The following NPAS2 variants were observed in gnomAD, a reference collection of about 807,000 sequenced individuals.
The protein encoded by NPAS2 is neuronal PAS domain-containing protein 2.
A neutral mutation model predicts 107.5 loss-of-function variants in NPAS2; 23 were observed. The observed-to-expected ratio is 0.21, with a 90% CI of 0.15 to 0.30. The LOEUF (loss-of-function observed/expected upper bound fraction) is 0.30, where lower values mean the gene tolerates loss of function less well. Ranked by LOEUF, NPAS2 falls within the 10% of genes least tolerant of loss-of-function variation. NPAS2 has a pLI of 1.00. For synonymous variants in NPAS2, 403 were observed against 417.5 expected (o/e 0.97, Z 0.42); for missense variants, 756 against 1,043.3 (o/e 0.72, Z 3.79).
intron 7 of NPAS2, among the ~76,000 whole-genome samples, chr2:100,958,882 A>C (rs190432619): frequency 6.6e-6 from 1 of 152,238 alleles, no homozygotes; most frequent in Non-Finnish European, 1.5e-5. Context: ...AAAAATACTC[A>C]TTTTAATTAA....
At chr2:100,969,352 C>T (rs553498053) in intron 11 of NPAS2, among the ~76,000 whole-genome samples, 2 of 152,180 alleles carry the variant, frequency 1.3e-5, no homozygotes, top group South Asian at 2.1e-4. Context: ...TCCACTTGTC[C>T]CCTACCACCA....
intron 4 of NPAS2, 36 bp from the exon 5 acceptor site, chr2:100,937,717 T>C: frequency 6.7e-7 from 1 of 1,492,450 alleles, no homozygotes; most frequent in Non-Finnish European, 9.4e-7. Context: ...CATAAACGCA[T>C]TGCTAAGGAG....
intron 11 of NPAS2, among the ~76,000 whole-genome samples, chr2:100,969,514 T>C (rs1023723877): frequency 1.3e-5 from 2 of 152,136 alleles, no homozygotes; most frequent in African/African-American, 4.8e-5. Context: ...TCATCTATGT[T>C]CCCGCAAAGG....
chr2:100,828,423 TG>T, intron 1 of NPAS2, among the ~76,000 whole-genome samples: 1 of 152,178 alleles, frequency 6.6e-6, no homozygotes. Context: ...AGGTCCCACT[TG>T]TTAATTTTTG....
chr2:100,912,141 T>C (rs1682590917), intron 2 of NPAS2, among the ~76,000 whole-genome samples: 1 of 152,202 alleles, frequency 6.6e-6, no homozygotes, highest in African/African-American at 2.4e-5. Context: ...ACCTCAGTCG[T>C]AGGCACTGTG....
At chr2:100,827,832 G>A (rs3970329) in intron 1 of NPAS2, among the ~76,000 whole-genome samples, 9,454 of 152,194 alleles carry the variant, frequency 0.062, 987 homozygotes, top group African/African-American at 0.21. Flanking sequence ...ACATGGACAT[G>A]GAATCACGAT....
chr2:100,937,804 G>A lies in NPAS2; in HGVS notation c.325G>A (p.Val109Ile). The A allele has an allele frequency of 6.2e-7, 1 of 1,614,138 alleles. No individual in the cohort carries two copies. The highest frequency in any genetic ancestry group is 8.5e-7 in the Non-Finnish European group (1 of 1,180,000). ...GACAACAGACGGCAGCATCATCTAT[G>A]TCTCTGACAGTATCACGCCTCTCCT... ...AVTTDGSIIY[V>I]SDSITPLLGH... The change falls in exon 5 of 21, where the codon GTC (valine) becomes ATC (isoleucine). Residue 109 changes from valine to isoleucine, a missense_variant. By Grantham distance (29) the Val-to-Ile change is conservative (BLOSUM62 3). Transcript: ENST00000335681.
intron 19 of NPAS2, among the ~76,000 whole-genome samples, 169 bp from the exon 20 acceptor site, chr2:100,993,178 C>CT (rs947795123): frequency 1.3e-5 from 2 of 152,184 alleles, no homozygotes; most frequent in African/African-American, 4.8e-5. Context: ...TGTGATCCGC[C>CT]TGCCTCGGCC....
intron 7 of NPAS2, among the ~76,000 whole-genome samples, chr2:100,951,992 A>C (rs1675251570): frequency 6.6e-6 from 1 of 151,972 alleles, no homozygotes; most frequent in African/African-American, 2.4e-5. Context: ...TACTAAAAAT[A>C]CAAAAAATTA....
At chr2:100,897,100 T>G (rs2104730668) in intron 1 of NPAS2, among the ~76,000 whole-genome samples, 1 of 152,186 alleles carries the variant, frequency 6.6e-6, no homozygotes, top group Admixed American at 6.5e-5. Context: ...AAAAGCCCCT[T>G]ATAAAACCAT....
At chr2:100,912,934 T>C (rs1414482487) in intron 2 of NPAS2, among the ~76,000 whole-genome samples, 1 of 152,200 alleles carries the variant, frequency 6.6e-6, no homozygotes, top group Non-Finnish European at 1.5e-5. Context: ...TCACTGTTTT[T>C]TAAGAGGAAA....
rs149487126 is a variant in NPAS2, at chr2:100,972,265, A to T, written c.1140+1191A>T. On this transcript the variant is annotated intron_variant, in intron 12 of 20. Transcript: ENST00000335681. ...GCCTGGCCTCCACCTGATTTCTCCC[A>T]CTGAGAGAAAAATTGCTGCCAACCA... is the stretch of plus-strand genomic sequence containing the variant. Among the ~76,000 whole-genome samples, 546 of 152,250 alleles carry T rather than the reference A, an allele frequency of 3.6e-3. 3 individuals carry two copies. Among genetic ancestry groups the T allele is most frequent in the African/African-American group, 0.012 (502 of 41,544 alleles).
At chr2:100,951,493 T>C (rs1259355597) in intron 7 of NPAS2, among the ~76,000 whole-genome samples, 1 of 152,210 alleles carries the variant, frequency 6.6e-6, no homozygotes, top group Non-Finnish European at 1.5e-5. Flanking sequence ...CACTGGAATA[T>C]TATTCGGCCT....
In NPAS2 at chr2:100,924,152, C is replaced by G. The variant is rs370640660; in HGVS notation, c.33-994C>G. Among the ~76,000 whole-genome samples the G allele has an allele frequency of 4.7e-4, 72 of 152,280 alleles. No homozygotes were observed. The East Asian group carries it at 0.013, about 27-fold the overall frequency. On this transcript the variant is annotated intron_variant, in intron 2 of 20. Coordinates refer to ENST00000335681, the MANE Select transcript of NPAS2 (RefSeq NM_002518.4). The stretch of plus-strand genomic sequence containing the variant: ...AAAGACACAGAGCGTTCCCATATCC[C>G]CCTGAGCCCTCCCTAGACACACTCA...
intron 7 of NPAS2, among the ~76,000 whole-genome samples, chr2:100,956,592 C>G (rs918322092): frequency 1.3e-5 from 2 of 152,220 alleles, no homozygotes; most frequent in African/African-American, 4.8e-5. Flanking sequence ...GCGCTCTCTT[C>G]TTGCTCCTCT....
At chr2:100,844,359 C>T (rs902657373) in intron 1 of NPAS2, among the ~76,000 whole-genome samples, 16 of 152,110 alleles carry the variant, frequency 1.1e-4, no homozygotes, top group African/African-American at 3.6e-4. Context: ...TCTCCTTAAC[C>T]ATATATTTTA....
intron 1 of NPAS2, among the ~76,000 whole-genome samples, chr2:100,901,846 A>T (rs561693474): frequency 6.6e-6 from 1 of 152,090 alleles, no homozygotes; most frequent in East Asian, 1.9e-4. Context: ...TCCTCAGAGG[A>T]TCCCACCCGC....
chr2:100,937,697 C>A, intron 4 of NPAS2, 56 bp from the exon 5 acceptor site: 1 of 1,204,378 alleles, frequency 8.3e-7, no homozygotes, highest in Non-Finnish European at 1.2e-6. Flanking sequence ...GCATCAGTGA[C>A]ATGCTCCTCC....
chr2:100,945,360 C>A (rs1024506985), intron 5 of NPAS2, among the ~76,000 whole-genome samples: 2 of 152,138 alleles, frequency 1.3e-5, no homozygotes, highest in South Asian at 2.1e-4. Flanking sequence ...TGGCACATGG[C>A]GGCCCTCAGC....
Sources: gnomAD v4.1 joint callset for allele counts (sites outside exome capture counted in the v4.1 genomes callset) on GRCh38, gnomAD v4.1.1 for gene constraint, MANE v1.5 for transcripts, NCBI Gene and HGNC (gene_info 2026-07-23, HGNC 2026-07-21) for gene names.